GKAP1: variants seen among roughly 807,000 people sequenced by gnomAD.
GKAP1 encodes G kinase-anchoring protein 1.
A neutral mutation model predicts 56.7 loss-of-function variants in GKAP1; 31 were observed. That is an observed-to-expected ratio of 0.55 (90% CI 0.41 to 0.74). The LOEUF (loss-of-function observed/expected upper bound fraction) is 0.74. GKAP1 is among the 30% of genes least tolerant of loss of function. GKAP1 has a pLI of 0.00. For missense variants in GKAP1, 364 were observed against 402.3 expected (o/e 0.90, Z 0.82); for synonymous variants, 151 against 138.6 (o/e 1.09, Z -0.63).
intron 7 of GKAP1, among the ~76,000 whole-genome samples, chr9:83,772,267 C>G (rs1564198147): frequency 6.6e-6 from 1 of 152,010 alleles, no homozygotes; most frequent in African/African-American, 2.4e-5. Context: ...ATCAATGGAA[C>G]AGAATTGAGA....
intron 4 of GKAP1, chr9:83,793,080 T>C (rs1944189369): frequency 2.5e-6 from 2 of 809,964 alleles, no homozygotes; most frequent in South Asian, 1.7e-5. Context: ...TTAAAGAGTA[T>C]GAAGAACCAA....
chr9:83,813,130 G>A (rs977123850), intron 2 of GKAP1, among the ~76,000 whole-genome samples: 1 of 152,160 alleles, frequency 6.6e-6, no homozygotes, highest in African/African-American at 2.4e-5. Context: ...TCACATCTAA[G>A]AGATGTTAGG....
chr9:83,758,798 C>CCTAA (rs1185243700), intron 8 of GKAP1, among the ~76,000 whole-genome samples: 2 of 151,524 alleles, frequency 1.3e-5, no homozygotes, highest in African/African-American at 4.8e-5. Context: ...TACTTTTCAC[C>CCTAA]TTTAAAAATG....
At chr9:83,816,636 A>G (rs1218506650) in intron 2 of GKAP1, among the ~76,000 whole-genome samples, 1 of 152,262 alleles carries the variant, frequency 6.6e-6, no homozygotes, top group Non-Finnish European at 1.5e-5. Context: ...GATTCCAGTT[A>G]CAATCCCAAG....
chr9:83,787,994 T>C (rs1296122037), intron 5 of GKAP1, among the ~76,000 whole-genome samples: 1 of 152,180 alleles, frequency 6.6e-6, no homozygotes, highest in Non-Finnish European at 1.5e-5. Context: ...ATTAAAATAA[T>C]CGGCAGGGCA....
At chr9:83,745,621 T>C (rs1218002333) in intron 10 of GKAP1, among the ~76,000 whole-genome samples, 1 of 152,196 alleles carries the variant, frequency 6.6e-6, no homozygotes, top group African/African-American at 2.4e-5. Flanking sequence ...ATACATCCAA[T>C]ACGCAATGAT....
intron 2 of GKAP1, among the ~76,000 whole-genome samples, chr9:83,815,248 G>T (rs1439984828): frequency 6.6e-6 from 1 of 151,912 alleles, no homozygotes; most frequent in African/African-American, 2.4e-5. Context: ...TTCTAAAAAT[G>T]AATAGCCTAA....
intron 3 of GKAP1, among the ~76,000 whole-genome samples, chr9:83,802,311 T>C (rs1026987928): frequency 3.3e-5 from 5 of 151,880 alleles, no homozygotes; most frequent in African/African-American, 1.2e-4. Context: ...AAACCCCATC[T>C]CTACTAAAAA....
intron 8 of GKAP1, among the ~76,000 whole-genome samples, chr9:83,764,653 G>C (rs541790553): frequency 6.6e-6 from 1 of 152,100 alleles, no homozygotes; most frequent in South Asian, 2.1e-4. Context: ...GAACTTCCTA[G>C]AGACTTGTTG....
intron 3 of GKAP1, among the ~76,000 whole-genome samples, chr9:83,801,034 C>T (rs1944323189): frequency 6.6e-6 from 1 of 152,194 alleles, no homozygotes; most frequent in South Asian, 2.1e-4. Context: ...CTCCAAGTGT[C>T]CCTGAATGTG....
chr9:83,750,819 T>A (rs760337914), intron 9 of GKAP1, among the ~76,000 whole-genome samples: 4 of 152,158 alleles, frequency 2.6e-5, no homozygotes, highest in Non-Finnish European at 4.4e-5. Context: ...CTAAAGATTT[T>A]TAATGCCCTC....
Position 83,806,301 on chromosome 9 carries a change from C to T in GKAP1, c.216+1G>A. The T allele has an allele frequency of 6.5e-7, 1 of 1,533,692 alleles. No individual in the cohort carries two copies. The highest frequency in any genetic ancestry group is 8.8e-7 in the Non-Finnish European group (1 of 1,133,222). On this transcript the variant is annotated splice_donor_variant, in intron 3 of 12. Transcript: ENST00000376371. LOFTEE classifies it high-confidence loss of function. ...GCAGACAACACAGATAATTGTGTTA[C>T]CTCATTTGCTTCACTCTGTTGCTGT...
chr9:83,807,122 C>T (rs1944451355), intron 2 of GKAP1, among the ~76,000 whole-genome samples: 1 of 152,186 alleles, frequency 6.6e-6, no homozygotes, highest in African/African-American at 2.4e-5. Context: ...ATGCCTTCCA[C>T]ATTATGTTTA....
chr9:83,797,966 C>T (rs563260049), intron 4 of GKAP1, among the ~76,000 whole-genome samples: 1 of 152,202 alleles, frequency 6.6e-6, no homozygotes, highest in African/African-American at 2.4e-5. Flanking sequence ...AAAAAAGAAT[C>T]AACCCCTAGA....
rs373773425 is a variant in GKAP1 at position 83,766,793 on chromosome 9, A to G, written c.738+2025T>C. Among the ~76,000 whole-genome samples the G allele has an allele frequency of 8.5e-5, 13 of 152,370 alleles. No individual in the cohort carries two copies. In the East Asian group the frequency reaches 2.3e-3, roughly 27 times the overall value. On this transcript the variant is annotated intron_variant, in intron 8 of 12. Coordinates refer to ENST00000376371, the MANE Select transcript of GKAP1 (RefSeq NM_025211.4). ...TAGAAATGAGACTATGGCAAAAGTT[A>G]CATAGTACTGATTTTCAGATGAGAA...
At chr9:83,769,043 C>T in intron 7 of GKAP1, 73 bp from the exon 8 acceptor site, 2 of 1,170,632 alleles carry the variant, frequency 1.7e-6, no homozygotes, top group Non-Finnish European at 2.5e-6. Context: ...TAGTCAACCA[C>T]AAGAAGGGAT....
chr9:83,761,263 A>G (rs1218905240), intron 8 of GKAP1, among the ~76,000 whole-genome samples: 1 of 152,112 alleles, frequency 6.6e-6, no homozygotes, highest in African/African-American at 2.4e-5. Context: ...ATACTACTGA[A>G]ATTCAAAGGA....
At chr9:83,800,490 C>A (rs1000955918) in intron 3 of GKAP1, among the ~76,000 whole-genome samples, 3 of 152,000 alleles carry the variant, frequency 2.0e-5, no homozygotes, top group Non-Finnish European at 4.4e-5. Context: ...CATGCCACCA[C>A]GCCCAGATAC....
chr9:83,759,090 T>A (rs1943526323), intron 8 of GKAP1, among the ~76,000 whole-genome samples: 1 of 152,118 alleles, frequency 6.6e-6, no homozygotes, highest in Non-Finnish European at 1.5e-5. Flanking sequence ...AAAAAGCAGA[T>A]TAAGAATTTG....
Sources: gnomAD v4.1 joint callset for allele counts (sites outside exome capture counted in the v4.1 genomes callset) on GRCh38, gnomAD v4.1.1 for gene constraint, MANE v1.5 for transcripts, NCBI Gene and HGNC (gene_info 2026-07-23, HGNC 2026-07-21) for gene names.